Variants in TRIM24 observed in about 807,000 individuals in gnomAD.
TRIM24 encodes the protein transcription intermediary factor 1-alpha.
TRIM24 carries 29 observed loss-of-function variants against 123.9 expected under a neutral mutation model. The ratio of observed to expected loss-of-function variants is 0.23; its 90% confidence interval spans 0.17 to 0.32. The LOEUF is 0.32. Ranked by LOEUF, TRIM24 falls within the 10% of genes least tolerant of loss-of-function variation. TRIM24 has a pLI of 1.00. For missense variants in TRIM24, 932 were observed against 1,295.3 expected, an observed-to-expected ratio of 0.72 and a Z score of 4.31; for synonymous variants, 456 against 461.1, an observed-to-expected ratio of 0.99 and a Z score of 0.14.
chr7:138,472,887 A>G (rs111902175), intron 1 of TRIM24, among the ~76,000 whole-genome samples: 3 of 152,288 alleles, frequency 2.0e-5, no homozygotes, highest in African/African-American at 7.2e-5. Flanking sequence ...TTTTTTTTTA[A>G]ATAGAAACAG....
chr7:138,541,031 G>T (rs1316548249), intron 7 of TRIM24, among the ~76,000 whole-genome samples: 1 of 152,124 alleles, frequency 6.6e-6, no homozygotes, highest in Non-Finnish European at 1.5e-5. Flanking sequence ...AAGAGATGGG[G>T]TTTCCCTATG....
At chr7:138,551,604 A>G (rs1797214702) in intron 8 of TRIM24, among the ~76,000 whole-genome samples, 1 of 152,210 alleles carries the variant, frequency 6.6e-6, no homozygotes, top group Non-Finnish European at 1.5e-5. Context: ...TATAGCTGAT[A>G]AGAAAACATT....
At chr7:138,582,285 A>G (rs185131734) in intron 17 of TRIM24, among the ~76,000 whole-genome samples, 11 of 152,264 alleles carry the variant, frequency 7.2e-5, no homozygotes, top group East Asian at 1.9e-4. Flanking sequence ...GCTCACGCCT[A>G]TAATCCCAGC....
In TRIM24 at chr7:138,515,246, A is replaced by G. The variant is rs765793542; in HGVS notation, c.518A>G (p.Asn173Ser). The change falls in exon 3 of 19, where the codon AAT becomes AGT. Residue 173 changes from asparagine to serine, a missense_variant. Asn to Ser is a conservative substitution (Grantham distance 46). Coordinates refer to ENST00000343526, the MANE Select transcript of TRIM24 (RefSeq NM_015905.3). ...CTSCEDNAEA[N>S]GFCVECVEWL... ...AGCTGTGAGGACAACGCAGAAGCCA[A>G]TGGGTTTTGTGTAGAGTGTGTTGAA... is the stretch of plus-strand genomic sequence containing the variant. 3.0e-5 allele frequency: 49 copies of G among 1,613,526 alleles called. No homozygotes were observed. Among genetic ancestry groups the G allele is most frequent in the East Asian group, 4.5e-5 (2 of 44,880 alleles).
intron 14 of TRIM24, among the ~76,000 whole-genome samples, chr7:138,578,453 C>G (rs1797813020): frequency 6.6e-6 from 1 of 151,888 alleles, no homozygotes; most frequent in African/African-American, 2.4e-5. Context: ...ACAGTTATAC[C>G]AGTACCTACC....
chr7:138,546,581 C>T (rs548377999), intron 7 of TRIM24, among the ~76,000 whole-genome samples: 14 of 152,264 alleles, frequency 9.2e-5, no homozygotes, highest in Non-Finnish European at 1.8e-4. Context: ...ATTCCTGTAG[C>T]TTGCTCTCAA....
At chr7:138,571,097 A>G in intron 11 of TRIM24, 94 bp downstream of exon 11, 1 of 1,272,436 alleles carries the variant, frequency 7.9e-7, no homozygotes, top group Non-Finnish European at 1.1e-6. Context: ...TGGGAGGCTG[A>G]GGCAGACAGA....
At chr7:138,468,100 A>G (rs1389259102) in intron 1 of TRIM24, among the ~76,000 whole-genome samples, 1 of 152,216 alleles carries the variant, frequency 6.6e-6, no homozygotes, top group African/African-American at 2.4e-5. Context: ...TAGGAGGAAA[A>G]CACTCAATTT....
At chr7:138,537,694 A>T (rs35668636) in intron 6 of TRIM24, among the ~76,000 whole-genome samples, 34,082 of 152,050 alleles carry the variant, frequency 0.22, 5,030 homozygotes, top group Middle Eastern at 0.34. Flanking sequence ...CTTAAATTAG[A>T]TATGGCAGAG....
intron 4 of TRIM24, among the ~76,000 whole-genome samples, chr7:138,524,417 T>C (rs1796569175): frequency 6.6e-6 from 1 of 152,144 alleles, no homozygotes; most frequent in Non-Finnish European, 1.5e-5. Flanking sequence ...CCTATAAAAG[T>C]ATTTGAAATG....
chr7:138,556,152 C>G (rs931983801), intron 9 of TRIM24: 1 of 152,096 alleles, frequency 6.6e-6, no homozygotes, highest in Non-Finnish European at 1.5e-5. Flanking sequence ...CCCTTCAATT[C>G]ATAAAATTTT....
At chr7:138,519,967 G>A (rs1024996095) in intron 4 of TRIM24, among the ~76,000 whole-genome samples, 2 of 152,048 alleles carry the variant, frequency 1.3e-5, no homozygotes, top group African/African-American at 2.4e-5. Context: ...CTAGGCTCCC[G>A]ATAATGGCAG....
intron 6 of TRIM24, among the ~76,000 whole-genome samples, chr7:138,537,881 A>G (rs550045985): frequency 6.6e-6 from 1 of 152,320 alleles, no homozygotes; most frequent in Admixed American, 6.5e-5. Context: ...AAACATTTCT[A>G]ATTTGTCTGA....
intron 7 of TRIM24, among the ~76,000 whole-genome samples, chr7:138,541,438 G>A (rs1797001856): frequency 6.6e-6 from 1 of 152,178 alleles, no homozygotes; most frequent in South Asian, 2.1e-4. Flanking sequence ...TCAATGAGCA[G>A]TAATATTTTA....
Position 138,464,677 on chromosome 7 carries a change from A to G in TRIM24, c.364+3765A>G, listed in dbSNP as rs143130983. On this transcript the variant is annotated intron_variant, in intron 1 of 18. Transcript: ENST00000343526. Reference sequence around the variant, plus strand: ...ACATAAATATATATACACACACACAATTAATTTATGGGCCCATGCTATAGG... The same window carrying G: ...ACATAAATATATATACACACACACAGTTAATTTATGGGCCCATGCTATAGG... Among the ~76,000 whole-genome samples the G allele has an allele frequency of 9.4e-3, 1,431 of 152,276 alleles. 11 individuals are homozygous for G. Among genetic ancestry groups the G allele is most frequent in the Middle Eastern group, 0.017 (5 of 294 alleles).
At chr7:138,493,427 A>G (rs1024377215) in intron 1 of TRIM24, among the ~76,000 whole-genome samples, 1 of 152,240 alleles carries the variant, frequency 6.6e-6, no homozygotes, top group Admixed American at 6.5e-5. Context: ...GTCTATTAGT[A>G]TAGTGACTTT....
chr7:138,574,476 C>CAAAT (rs2116678067), intron 12 of TRIM24, among the ~76,000 whole-genome samples: 1 of 152,170 alleles, frequency 6.6e-6, no homozygotes, highest in South Asian at 2.1e-4. Context: ...CAAGTTTATA[C>CAAAT]AAATAAGGAA....
At chr7:138,481,239 C>T (rs1795520345) in intron 1 of TRIM24, among the ~76,000 whole-genome samples, 1 of 151,648 alleles carries the variant, frequency 6.6e-6, no homozygotes, top group Admixed American at 6.6e-5. Context: ...GATTCACCTG[C>T]CTTGGCCTCC....
At chr7:138,568,053 A>T (rs916718187) in intron 10 of TRIM24, among the ~76,000 whole-genome samples, 14 of 152,194 alleles carry the variant, frequency 9.2e-5, no homozygotes, top group Admixed American at 7.2e-4. Flanking sequence ...TCAAGAGGGA[A>T]TACATATATA....
Sources: gnomAD v4.1 joint callset for allele counts (sites outside exome capture counted in the v4.1 genomes callset) on GRCh38, gnomAD v4.1.1 for gene constraint, MANE v1.5 for transcripts, NCBI Gene and HGNC (gene_info 2026-07-23, HGNC 2026-07-21) for gene names.